TSC22D3: variants seen among roughly 807,000 people sequenced by gnomAD.
TSC22D3 encodes TSC22 domain family protein 3.
Under a neutral mutation model 11.1 loss-of-function variants are expected in TSC22D3, and 4 were observed. The ratio of observed to expected loss-of-function variants is 0.36; its 90% CI spans 0.18 to 0.83. The LOEUF is 0.83. Ranked by LOEUF, TSC22D3 falls within the 40% of genes least tolerant of loss-of-function variation. The pLI, the probability that TSC22D3 is intolerant of heterozygous loss-of-function variation, is 0.48. For synonymous variants in TSC22D3, 77 were observed against 70.3 expected (o/e 1.10, Z -0.48); for missense variants, 118 against 159.4 (o/e 0.74, Z 1.40).
chrX:107,770,714 G>GA (rs1173066410), intron 1 of TSC22D3, among the ~76,000 whole-genome samples: 1 of 111,329 alleles, frequency 9.0e-6, no homozygotes, highest in African/African-American at 3.3e-5. Flanking sequence ...TAAAATCTTA[G>GA]AAAAAAATTT....
intron 1 of TSC22D3, among the ~76,000 whole-genome samples, chrX:107,757,332 A>G (rs899728329): frequency 9.0e-6 from 1 of 111,617 alleles, no homozygotes; most frequent in Non-Finnish European, 1.9e-5. Flanking sequence ...GGGTCTCTGG[A>G]TACAGAGTCC....
At chrX:107,715,558 C>T (rs896831330) in intron 2 of TSC22D3, among the ~76,000 whole-genome samples, 1 of 112,407 alleles carries the variant, frequency 8.9e-6, no homozygotes, top group Non-Finnish European at 1.9e-5. Context: ...AGTGCTGTTG[C>T]ATCCAATGAG....
intron 1 of TSC22D3, among the ~76,000 whole-genome samples, chrX:107,720,616 C>T (rs1927278016): frequency 9.0e-6 from 1 of 111,524 alleles, no homozygotes; most frequent in African/African-American, 3.3e-5. Context: ...TCACTTGAAC[C>T]CGCGAGGCGG....
chrX:107,716,065 C>T (rs931003776), intron 1 of TSC22D3, 115 bp from the exon 2 acceptor site: 21 of 860,389 alleles, frequency 2.4e-5, no homozygotes, highest in East Asian at 3.3e-5. Context: ...CTCTCCTTCT[C>T]GCCTCCCTGG....
At chrX:107,736,732 A>T (rs933132460) in intron 1 of TSC22D3, among the ~76,000 whole-genome samples, 8 of 111,063 alleles carry the variant, frequency 7.2e-5, no homozygotes, top group Non-Finnish European at 3.8e-5. Flanking sequence ...CCTTCCAGGC[A>T]TGACCAGATC....
chrX:107,766,475 C>T (rs1209815556), intron 1 of TSC22D3, among the ~76,000 whole-genome samples: 7 of 93,800 alleles, frequency 7.5e-5, no homozygotes, highest in African/African-American at 2.7e-4. Flanking sequence ...CAACTCCCCC[C>T]ACCCCAACCC....
Position 107,775,396 on chromosome X carries a change from G to T in TSC22D3, c.24C>A (p.Cys8Ter). 8.4e-7 allele frequency: 1 copy of T among 1,192,850 alleles called. No individual in the cohort carries two copies. The highest frequency in any genetic ancestry group is 1.1e-6 in the Non-Finnish European group (1 of 885,610). Residue 8 changes from cysteine (C) to a stop codon, truncating the protein, a stop_gained, in exon 1 of 3, where the codon TGC (cysteine) becomes TGA (stop). Transcript: ENST00000372383. LOFTEE classifies it high-confidence loss of function. Reference sequence around the variant, plus strand: ...AGCAGTCGAGGCCGACAGGTGAGCGGCAATCGAGCTTGGACTGGGCCATCT... The same window carrying T: ...AGCAGTCGAGGCCGACAGGTGAGCGTCAATCGAGCTTGGACTGGGCCATCT... MAQSKLD[C>*]RSPVGLDCCN...
chrX:107,765,728 C>A (rs1418904689), intron 1 of TSC22D3, among the ~76,000 whole-genome samples: 1 of 111,871 alleles, frequency 8.9e-6, no homozygotes, highest in Admixed American at 9.5e-5. Context: ...TTTACTGCTA[C>A]AGCCTATGAA....
chrX:107,759,622 T>C (rs921914623), intron 1 of TSC22D3, among the ~76,000 whole-genome samples: 30 of 112,646 alleles, frequency 2.7e-4, no homozygotes, highest in African/African-American at 9.4e-4. Context: ...CTCCCCAAGC[T>C]CTGGGTCCTC....
At chrX:107,768,164 A>G (rs1218202619) in intron 1 of TSC22D3, among the ~76,000 whole-genome samples, 1 of 112,191 alleles carries the variant, frequency 8.9e-6, no homozygotes, top group East Asian at 2.8e-4. Flanking sequence ...CAAACAGCGC[A>G]ACAGCCACCA....
Position 107,775,415 on chromosome X carries a change from G to A in TSC22D3, c.5C>T (p.Ala2Val), listed in dbSNP as rs1219391844. 1 of 1,175,102 alleles carries A rather than the reference G, an allele frequency of 8.5e-7. No individual in the cohort carries two copies. The highest frequency in any genetic ancestry group is 2.4e-5 in the Admixed American group (1 of 41,131). M[A>V]QSKLDCRSPV... Reference sequence around the variant, plus strand: ...TGAGCGGCAATCGAGCTTGGACTGGGCCATCTTCTCAGGCTCGGAGGTCGC... The same window carrying A: ...TGAGCGGCAATCGAGCTTGGACTGGACCATCTTCTCAGGCTCGGAGGTCGC... The change falls in exon 1 of 3, where the codon GCC becomes GTC. Residue 2 changes from alanine to valine, a missense_variant. By Grantham distance (64) the Ala-to-Val change is moderately conservative. Coordinates refer to ENST00000372383, the MANE Select transcript of TSC22D3 (RefSeq NM_198057.3).
intron 1 of TSC22D3, among the ~76,000 whole-genome samples, chrX:107,742,975 T>C (rs1423554055): frequency 9.1e-6 from 1 of 110,278 alleles, no homozygotes; most frequent in African/African-American, 3.3e-5. Flanking sequence ...CCAGAGTCAG[T>C]GGTGAGGCCG....
intron 1 of TSC22D3, among the ~76,000 whole-genome samples, chrX:107,767,166 A>G (rs1045474759): frequency 8.9e-6 from 1 of 112,075 alleles, no homozygotes; most frequent in African/African-American, 3.2e-5. Flanking sequence ...ATCTCCCCTG[A>G]AGAGAAGATT....
At chrX:107,775,047 C>A in intron 1 of TSC22D3, 53 bp downstream of exon 1, 2 of 1,169,885 alleles carry the variant, frequency 1.7e-6, no homozygotes, top group Non-Finnish European at 2.3e-6. Flanking sequence ...GAGGGTGCAG[C>A]AGAGGCTGGT....
intron 1 of TSC22D3, among the ~76,000 whole-genome samples, chrX:107,732,716 C>G (rs1266970505): frequency 1.8e-5 from 2 of 110,905 alleles, no homozygotes; most frequent in Admixed American, 1.9e-4. Flanking sequence ...AGATAGTTAC[C>G]TACTCTAGAT....
At chrX:107,763,667 G>A (rs941402697) in intron 1 of TSC22D3, among the ~76,000 whole-genome samples, 1 of 111,484 alleles carries the variant, frequency 9.0e-6, no homozygotes, top group Non-Finnish European at 1.9e-5. Context: ...AAGGAAGCCC[G>A]CAAAGGGAAA....
intron 1 of TSC22D3, among the ~76,000 whole-genome samples, chrX:107,733,391 G>T (rs940624037): frequency 8.9e-6 from 1 of 111,854 alleles, no homozygotes; most frequent in African/African-American, 3.3e-5. Context: ...TACTCATTCA[G>T]GTTACTTGGT....
chrX:107,754,432 G>T (rs1316021164), intron 1 of TSC22D3, among the ~76,000 whole-genome samples: 1 of 111,672 alleles, frequency 9.0e-6, no homozygotes, highest in Non-Finnish European at 1.9e-5. Flanking sequence ...CTGCACCCCA[G>T]AGTTCCCAGA....
At chrX:107,730,139 G>A (rs1028179087) in intron 1 of TSC22D3, among the ~76,000 whole-genome samples, 1 of 112,443 alleles carries the variant, frequency 8.9e-6, no homozygotes, top group African/African-American at 3.2e-5. Flanking sequence ...GCTGTTAGGA[G>A]TTGGGTATTA....
Sources: gnomAD v4.1 joint callset for allele counts (sites outside exome capture counted in the v4.1 genomes callset) on GRCh38, gnomAD v4.1.1 for gene constraint, MANE v1.5 for transcripts, NCBI Gene and HGNC (gene_info 2026-07-23, HGNC 2026-07-21) for gene names.